Variants in DAB2IP observed in about 807,000 individuals in gnomAD.
The protein encoded by DAB2IP is DAB2 interacting protein.
In DAB2IP, 28 loss-of-function variants were observed where a neutral mutation model predicts 107.2. That is an observed-to-expected ratio of 0.26 (90% CI 0.19 to 0.36). DAB2IP has a LOEUF of 0.36. DAB2IP is among the 10% of genes least tolerant of loss of function. The pLI, the probability that DAB2IP is intolerant of heterozygous loss-of-function variation, is 1.00. For synonymous variants in DAB2IP, 755 were observed against 706.4 expected (o/e 1.07, Z -1.09); for missense variants, 1,400 against 1,644.7 (o/e 0.85, Z 2.57).
chr9:121,664,498 G>T (rs1371941335), intron 1 of DAB2IP, among the ~76,000 whole-genome samples: 2 of 152,194 alleles, frequency 1.3e-5, no homozygotes, highest in Non-Finnish European at 2.9e-5. Context: ...TGTCAACTAA[G>T]CAATACTGAG....
At chr9:121,747,719 T>C (rs936962051) in intron 3 of DAB2IP, among the ~76,000 whole-genome samples, 1 of 152,138 alleles carries the variant, frequency 6.6e-6, no homozygotes, top group African/African-American at 2.4e-5. Flanking sequence ...AAAACTGCTT[T>C]GCGGTCCCCA....
At chr9:121,741,410 A>G (rs1460457195) in intron 3 of DAB2IP, among the ~76,000 whole-genome samples, 1 of 152,174 alleles carries the variant, frequency 6.6e-6, no homozygotes, top group Non-Finnish European at 1.5e-5. Flanking sequence ...AGGCAAAGCC[A>G]CTTATGCTGC....
chr9:121,689,988 G>A (rs976450135), intron 2 of DAB2IP, among the ~76,000 whole-genome samples: 3 of 152,218 alleles, frequency 2.0e-5, no homozygotes, highest in African/African-American at 7.2e-5. Flanking sequence ...CTTCCTGACC[G>A]TGCGGTGCTG....
chr9:121,586,832 T>C (rs1830323279), intron 1 of DAB2IP, among the ~76,000 whole-genome samples: 1 of 151,876 alleles, frequency 6.6e-6, no homozygotes, highest in African/African-American at 2.4e-5. Flanking sequence ...TGCAGTGACC[T>C]CATTAAGCAT....
intron 1 of DAB2IP, among the ~76,000 whole-genome samples, chr9:121,626,522 C>T (rs961179174): frequency 1.3e-5 from 2 of 150,144 alleles, no homozygotes; most frequent in Admixed American, 6.7e-5. Flanking sequence ...CTCCCGGGTT[C>T]AAGTGATTCT....
chr9:121,762,102 G>T (rs1206069325), intron 6 of DAB2IP, among the ~76,000 whole-genome samples: 1 of 152,134 alleles, frequency 6.6e-6, no homozygotes, highest in African/African-American at 2.4e-5. Context: ...AGGTACCTAA[G>T]CCCCCACCCC....
Position 121,773,163 on chromosome 9 carries a change from G to A in DAB2IP, c.2635G>A (p.Ala879Thr), listed in dbSNP as rs145366203. The change falls in exon 12 of 16, where the codon GCG becomes ACG. Residue 879 changes from alanine to threonine, a missense_variant. Physicochemically the swap from Ala to Thr is moderately conservative, Grantham distance 58 (BLOSUM62 0). Transcript: ENST00000408936. Reference sequence around the variant, plus strand: ...CAAGCTGGGAAGTTTCAGCACTGCCGCGGAGGAGCTGGCTCGGCGGCCCGG... The same window carrying A: ...CAAGCTGGGAAGTTTCAGCACTGCCACGGAGGAGCTGGCTCGGCGGCCCGG... 32 of 1,605,972 alleles carry A rather than the reference G, an allele frequency of 2.0e-5. No individual in the cohort carries two copies. The highest frequency in any genetic ancestry group is 6.7e-5 in the Admixed American group (4 of 59,358).
upstream of DAB2IP, chr9:121,651,556 T>TCCGGGTCC (rs1832737753): frequency 1.4e-6 from 1 of 697,062 alleles, no homozygotes; most frequent in Non-Finnish European, 1.8e-6. This position sits in a 1 kb window ranked among gnomAD's most constrained non-coding sequence, Gnocchi z 5.1. Context: ...CAGCCCGGCC[T>TCCGGGTCC]CCGGGTCCCC....
chr9:121,744,249 G>T (rs1443687963), intron 3 of DAB2IP, among the ~76,000 whole-genome samples: 2 of 152,192 alleles, frequency 1.3e-5, no homozygotes, highest in Admixed American at 6.5e-5. Context: ...AGTCCATGGG[G>T]CCCAGGCCCA....
At chr9:121,766,429 T>C (rs938623552) in intron 8 of DAB2IP, 65 bp from the exon 9 acceptor site, 2 of 1,471,378 alleles carry the variant, frequency 1.4e-6, no homozygotes, top group Admixed American at 1.7e-5. Flanking sequence ...AGGTTCCTGC[T>C]CTGTGCACTC....
At chr9:121,770,465 T>C in intron 10 of DAB2IP, 81 bp from the exon 11 acceptor site, 1 of 1,500,764 alleles carries the variant, frequency 6.7e-7, no homozygotes, top group Non-Finnish European at 9.1e-7. Flanking sequence ...GCAGTGGTTT[T>C]GAGCCATAGT....
chr9:121,770,504 G>A (rs749441418), intron 10 of DAB2IP, 42 bp from the exon 11 acceptor site: 7 of 1,594,964 alleles, frequency 4.4e-6, no homozygotes, highest in Admixed American at 1.7e-5. Flanking sequence ...CTACCCATGT[G>A]GTCCCAGGAG....
At chr9:121,755,408 C>T (rs567660629) in intron 3 of DAB2IP, among the ~76,000 whole-genome samples, 82 of 152,340 alleles carry the variant, frequency 5.4e-4, no homozygotes, top group Middle Eastern at 6.8e-3. Flanking sequence ...GAGGGTTCCC[C>T]CCTGTCTTGA....
chr9:121,734,532 C>T (rs1370921063), intron 3 of DAB2IP, among the ~76,000 whole-genome samples: 1 of 152,264 alleles, frequency 6.6e-6, no homozygotes, highest in Non-Finnish European at 1.5e-5. Flanking sequence ...CATATTCTGA[C>T]CCTCAGATGC....
At chr9:121,667,551 C>T (rs552106642) in intron 1 of DAB2IP, among the ~76,000 whole-genome samples, 1 of 151,828 alleles carries the variant, frequency 6.6e-6, no homozygotes, top group African/African-American at 2.4e-5. Flanking sequence ...AGAGCAGTGG[C>T]GGGATCTCAG....
chr9:121,748,706 GC>G (rs1350515210), intron 3 of DAB2IP, among the ~76,000 whole-genome samples: 5 of 152,202 alleles, frequency 3.3e-5, no homozygotes, highest in African/African-American at 1.2e-4. Context: ...TTAGGTCCAG[GC>G]TGCCACAGTG....
At chr9:121,768,705 T>C in intron 10 of DAB2IP, 72 bp downstream of exon 10, 1 of 1,582,656 alleles carries the variant, frequency 6.3e-7, no homozygotes, top group Non-Finnish European at 8.6e-7. Flanking sequence ...CCTTCCAGAG[T>C]AACCATGGAG....
intron 1 of DAB2IP, among the ~76,000 whole-genome samples, chr9:121,674,902 G>A (rs2119126145): frequency 6.6e-6 from 1 of 152,104 alleles, no homozygotes; most frequent in East Asian, 1.9e-4. Context: ...TGTGGTGTGT[G>A]TGTGTGTATG....
In DAB2IP at chr9:121,760,091, C is replaced by G. The variant is rs1833783322; in HGVS notation, c.822C>G (p.His274Gln). Residue 274 changes from histidine to glutamine, a missense_variant, in exon 6 of 16, where the codon CAC becomes CAG. Transcript: ENST00000408936. This position sits in a 1 kb window ranked among gnomAD's most constrained non-coding sequence, Gnocchi z 5.9. Reference sequence around the variant, plus strand: ...CGCCTCTGCGCACGGTCACTGTCCACCTGTACCGGGAGACCGACAAGAAGA... The same window carrying G: ...CGCCTCTGCGCACGGTCACTGTCCAGCTGTACCGGGAGACCGACAAGAAGA... 6 of 1,613,984 alleles carry G rather than the reference C, an allele frequency of 3.7e-6. No individual in the cohort carries two copies. Among genetic ancestry groups the G allele is most frequent in the Admixed American group, 3.3e-5 (2 of 60,010 alleles).
Sources: gnomAD v4.1 joint callset for allele counts (sites outside exome capture counted in the v4.1 genomes callset) on GRCh38, gnomAD v4.1.1 for gene constraint, Gnocchi (gnomAD v3.1) non-coding constraint, MANE v1.5 for transcripts, NCBI Gene and HGNC (gene_info 2026-07-23, HGNC 2026-07-21) for gene names.